SORCS1: variants seen among roughly 807,000 people sequenced by gnomAD.
The protein encoded by SORCS1 is sortilin related VPS10 domain containing receptor 1.
SORCS1 carries 60 observed loss-of-function variants against 146.1 expected under a neutral mutation model. That is an observed-to-expected ratio of 0.41 (90% CI 0.33 to 0.51). The LOEUF is 0.51. SORCS1 is among the 20% of genes least tolerant of loss of function. The pLI, the probability that SORCS1 is intolerant of heterozygous loss-of-function variation, is 0.21. For missense variants in SORCS1, 1,352 were observed against 1,487.6 expected (o/e 0.91, Z 1.50); for synonymous variants, 637 against 584.0 (o/e 1.09, Z -1.31).
chr10:106,743,814 A>G (rs1156587216), intron 5 of SORCS1, among the ~76,000 whole-genome samples: 3 of 152,204 alleles, frequency 2.0e-5, no homozygotes, highest in African/African-American at 4.8e-5. Context: ...TGAAAATATA[A>G]TACTAAGTAT....
At chr10:107,164,709 C>G (rs541909055), upstream of SORCS1, among the ~76,000 whole-genome samples, 4,150 of 148,982 alleles carry the variant, frequency 0.028, 166 homozygotes, top group African/African-American at 0.094. The surrounding 1 kb of genome is among the most constrained non-coding windows in gnomAD (Gnocchi z 6.8). Flanking sequence ...GGGCTTGTGC[C>G]GAGCGCGGGT....
chr10:106,885,880 T>C (rs1950980928), intron 2 of SORCS1, among the ~76,000 whole-genome samples: 1 of 152,140 alleles, frequency 6.6e-6, no homozygotes, highest in African/African-American at 2.4e-5. Flanking sequence ...TCTCATTCCC[T>C]TTTTGCCTGT....
At chr10:106,597,327 G>C in intron 24 of SORCS1, 24 bp downstream of exon 24, 1 of 1,605,560 alleles carries the variant, frequency 6.2e-7, no homozygotes, top group Non-Finnish European at 8.5e-7. Context: ...CCACCAGCCA[G>C]AACCCCGGGA....
intron 18 of SORCS1, among the ~76,000 whole-genome samples, chr10:106,638,863 T>A (rs186348416): frequency 1.3e-5 from 2 of 152,330 alleles, no homozygotes; most frequent in East Asian, 3.9e-4. Context: ...GGACCTCAAT[T>A]TCTCTACCTG....
chr10:106,852,811 C>G (rs1289125205), intron 2 of SORCS1, among the ~76,000 whole-genome samples: 1 of 152,034 alleles, frequency 6.6e-6, no homozygotes, highest in Non-Finnish European at 1.5e-5. Context: ...GAATATTAAA[C>G]CAGCTTTACA....
intron 1 of SORCS1, among the ~76,000 whole-genome samples, chr10:107,125,199 C>T (rs1234976249): frequency 1.3e-5 from 2 of 152,052 alleles, no homozygotes; most frequent in African/African-American, 4.8e-5. Context: ...AATCTGCACG[C>T]CTTGGCCTCA....
chr10:107,017,594 C>G (rs1353315389), intron 1 of SORCS1, among the ~76,000 whole-genome samples: 1 of 152,186 alleles, frequency 6.6e-6, no homozygotes, highest in Non-Finnish European at 1.5e-5. Flanking sequence ...ACTCTCTGAT[C>G]TTCTATTGCC....
the SORCS1 span, among the ~76,000 whole-genome samples, chr10:107,178,850 A>C: frequency 6.6e-6 from 1 of 152,146 alleles, no homozygotes; most frequent in Non-Finnish European, 1.5e-5. Context: ...CATTAAAAAA[A>C]ATCCATTCAC....
intron 2 of SORCS1, among the ~76,000 whole-genome samples, chr10:106,929,794 C>T (rs1953300306): frequency 6.6e-6 from 1 of 151,794 alleles, no homozygotes. Flanking sequence ...CACACACACA[C>T]ACACGTATTA....
intron 2 of SORCS1, among the ~76,000 whole-genome samples, chr10:106,922,124 C>T (rs1420346532): frequency 6.6e-6 from 1 of 152,180 alleles, no homozygotes; most frequent in Non-Finnish European, 1.5e-5. Context: ...GTGAACAAAG[C>T]TTACATTAGA....
upstream of SORCS1, among the ~76,000 whole-genome samples, chr10:107,168,157 A>C (rs1970093575): frequency 6.6e-6 from 1 of 152,138 alleles, no homozygotes; most frequent in Non-Finnish European, 1.5e-5. Flanking sequence ...TGATGTGCCC[A>C]GTTTTTTCCA....
intron 2 of SORCS1, among the ~76,000 whole-genome samples, chr10:106,844,206 G>A (rs1393256238): frequency 1.3e-5 from 2 of 152,198 alleles, no homozygotes; most frequent in South Asian, 2.1e-4. Flanking sequence ...GCCTATTCGT[G>A]TTCTTTGCCC....
chr10:106,929,898 C>A (rs1227512700), intron 2 of SORCS1, among the ~76,000 whole-genome samples: 1 of 152,156 alleles, frequency 6.6e-6, no homozygotes, highest in African/African-American at 2.4e-5. Context: ...TCGAATATGG[C>A]ATAAAATGAA....
chr10:106,753,386 G>A (rs562204659), intron 5 of SORCS1, among the ~76,000 whole-genome samples: 3 of 152,186 alleles, frequency 2.0e-5, no homozygotes, highest in South Asian at 2.1e-4. Flanking sequence ...TATATCTGAA[G>A]GAGGAAGAGG....
At chr10:106,777,025 A>G (rs1170448279) in intron 3 of SORCS1, among the ~76,000 whole-genome samples, 1 of 152,152 alleles carries the variant, frequency 6.6e-6, no homozygotes, top group African/African-American at 2.4e-5. Flanking sequence ...CCTTCTTCCT[A>G]CTGTGCCTTA....
intron 1 of SORCS1, among the ~76,000 whole-genome samples, chr10:107,000,974 T>C (rs1238594690): frequency 6.6e-6 from 1 of 152,114 alleles, no homozygotes; most frequent in Non-Finnish European, 1.5e-5. Context: ...AAAGAATTTT[T>C]TTGTATAAAT....
intron 6 of SORCS1, among the ~76,000 whole-genome samples, chr10:106,726,185 C>CTCT (rs1435746962): frequency 6.0e-5 from 4 of 66,298 alleles, no homozygotes; most frequent in African/African-American, 1.3e-4. Flanking sequence ...CTTTCCCTCT[C>CTCT]TTTTTTTTTT....
chr10:106,695,333 C>T (rs902238721), intron 9 of SORCS1, among the ~76,000 whole-genome samples: 1 of 152,154 alleles, frequency 6.6e-6, no homozygotes, highest in Non-Finnish European at 1.5e-5. Flanking sequence ...TTCTTCCAGT[C>T]TTCTGTTTTC....
At chr10:106,896,428 CAAAA>C (rs781084783) in intron 2 of SORCS1, among the ~76,000 whole-genome samples, 1 of 57,146 alleles carries the variant, frequency 1.7e-5, no homozygotes. Flanking sequence ...GACTTTGTCT[CAAAA>C]AAAAAAAAAA....
Sources: gnomAD v4.1 joint callset for allele counts (sites outside exome capture counted in the v4.1 genomes callset) on GRCh38, gnomAD v4.1.1 for gene constraint, Gnocchi (gnomAD v3.1) non-coding constraint, MANE v1.5 for transcripts, NCBI Gene and HGNC (gene_info 2026-07-23, HGNC 2026-07-21) for gene names.